The following SSH2 variants were observed in gnomAD, a reference collection of about 807,000 sequenced individuals.
SSH2 encodes slingshot protein phosphatase 2.
A neutral mutation model predicts 135.2 loss-of-function variants in SSH2; 37 were observed. The ratio of observed to expected loss-of-function variants is 0.27; its 90% CI spans 0.21 to 0.36. The LOEUF (loss-of-function observed/expected upper bound fraction) is 0.36. Ranked by LOEUF, SSH2 falls within the 10% of genes least tolerant of loss-of-function variation. The pLI is 1.00. For missense variants in SSH2, 1,408 were observed against 1,765.3 expected, an observed-to-expected ratio of 0.80 and a Z score of 3.63; for synonymous variants, 628 against 646.2, an observed-to-expected ratio of 0.97 and a Z score of 0.43.
intron 4 of SSH2, among the ~76,000 whole-genome samples, chr17:29,696,785 C>T (rs1265162893): frequency 6.7e-6 from 1 of 149,960 alleles, no homozygotes; most frequent in Non-Finnish European, 1.5e-5. Flanking sequence ...CCCAAGTTCA[C>T]ATCATTCTCC....
chr17:29,913,347 A>AATTATATATATAT lies in SSH2; in HGVS notation c.63+16590_63+16591insATATATATATAAT, dbSNP rs1555543500. On this transcript the variant is annotated intron_variant, in intron 1 of 15. Coordinates refer to ENST00000540801, the MANE Select transcript of SSH2 (RefSeq NM_001282129.2). ...AAAAAAAAAAAAAAAAAAAAAAAAA[A>AATTATATATATAT]ATATATATATATATATATATATATA... Among the ~76,000 whole-genome samples, 25 of 28,786 alleles carry AATTATATATATAT rather than the reference A, an allele frequency of 8.7e-4. 2 individuals are homozygous for AATTATATATATAT. Among genetic ancestry groups the AATTATATATATAT allele is most frequent in the Non-Finnish European group, 1.4e-3 (23 of 16,996 alleles). 18.9% of individuals were successfully genotyped at this position (28,786 alleles called of 152,430 possible). A position where few individuals can be genotyped will look rare whatever the true frequency, so the allele number is the denominator to read the frequency against.
chr17:29,911,345 G>A (rs1420671579), intron 1 of SSH2, among the ~76,000 whole-genome samples: 1 of 152,134 alleles, frequency 6.6e-6, no homozygotes. Flanking sequence ...TGTTCTTTGT[G>A]AGGGATTTAA....
intron 2 of SSH2, 77 bp downstream of exon 2, chr17:29,848,772 G>T: frequency 1.1e-6 from 1 of 913,190 alleles, no homozygotes; most frequent in Non-Finnish European, 1.7e-6. Context: ...TATATCAGTT[G>T]CATTTAATAG....
At chr17:29,906,088 T>C (rs561891372) in intron 1 of SSH2, among the ~76,000 whole-genome samples, 1 of 152,304 alleles carries the variant, frequency 6.6e-6, no homozygotes, top group South Asian at 2.1e-4. Flanking sequence ...ATAAAGCTCT[T>C]CTTCGTCTTC....
At chr17:29,929,801 G>A (rs778736605) in intron 1 of SSH2, 137 bp downstream of exon 1, 1 of 757,098 alleles carries the variant, frequency 1.3e-6, no homozygotes, top group East Asian at 2.7e-5. Context: ...TGGGGGTGTG[G>A]GGGGGTTCGC....
rs928731602 is a variant in SSH2 at position 29,815,961 on chromosome 17, G to A, written c.145-22024C>T. Among the ~76,000 whole-genome samples the A allele has an allele frequency of 3.3e-5, 5 of 152,092 alleles. No homozygotes were observed. The South Asian group carries it at 6.2e-4, about 19-fold the overall frequency. On this transcript the variant is annotated intron_variant, in intron 2 of 15. Transcript: ENST00000540801. ...CCTCCCAAGTTCAAGCAAATCTCAC[G>A]TCTCAGCCTCCTGAGTAGCTGGGAC...
At chr17:29,899,398 A>G (rs1043577550) in intron 1 of SSH2, among the ~76,000 whole-genome samples, 1 of 152,180 alleles carries the variant, frequency 6.6e-6, no homozygotes, top group African/African-American at 2.4e-5. Context: ...TCAGCCCAAA[A>G]TCTCCTTAAG....
chr17:29,770,454 C>T (rs1167479806), intron 3 of SSH2, among the ~76,000 whole-genome samples: 1 of 150,988 alleles, frequency 6.6e-6, no homozygotes. Context: ...AAGTCTCATT[C>T]TCTTTTTTTA....
intron 2 of SSH2, among the ~76,000 whole-genome samples, chr17:29,803,856 T>C (rs1352956575): frequency 6.6e-6 from 1 of 152,186 alleles, no homozygotes; most frequent in Non-Finnish European, 1.5e-5. Flanking sequence ...GGTTAATGTC[T>C]ATAAAGAAGT....
intron 3 of SSH2, among the ~76,000 whole-genome samples, chr17:29,746,903 T>G (rs1249319029): frequency 6.6e-6 from 1 of 152,218 alleles, no homozygotes; most frequent in Non-Finnish European, 1.5e-5. Context: ...ATGCTTAAAG[T>G]GTTGCTTAAG....
At chr17:29,757,043 C>T (rs539000514) in intron 3 of SSH2, among the ~76,000 whole-genome samples, 18 of 152,248 alleles carry the variant, frequency 1.2e-4, no homozygotes, top group South Asian at 4.1e-4. Context: ...TCAGCAGTGA[C>T]GAGAGAACCA....
At chr17:29,839,437 T>C (rs2043002005) in intron 2 of SSH2, among the ~76,000 whole-genome samples, 1 of 152,216 alleles carries the variant, frequency 6.6e-6, no homozygotes. Flanking sequence ...CATTACCTCC[T>C]GAAATAGGAA....
At chr17:29,674,554 C>T (rs1428656633) in intron 8 of SSH2, among the ~76,000 whole-genome samples, 2 of 152,130 alleles carry the variant, frequency 1.3e-5, no homozygotes, top group African/African-American at 4.8e-5. Flanking sequence ...AAGGAAACAC[C>T]TGGTCTAAAT....
chr17:29,833,901 TTCCTTCCCTCCCTCCCTGCC>T (rs1283097331), intron 2 of SSH2, among the ~76,000 whole-genome samples: 2 of 73,588 alleles, frequency 2.7e-5, no homozygotes, highest in African/African-American at 1.1e-4. Context: ...CCTCCCTTCC[TTCCTTCCCTCCCTCCCTGCC>T]TCCTTCCCTC....
Position 29,663,162 on chromosome 17 carries a change from C to T in SSH2, c.1032+3705G>A, listed in dbSNP as rs185510287. 1.7e-3 allele frequency among the ~76,000 whole-genome samples: 265 copies of T among 152,350 alleles called. 1 individual carries two copies. Among genetic ancestry groups the T allele is most frequent in the Non-Finnish European group, 2.1e-3 (141 of 68,036 alleles). ...ATTTAAGCTATAATCTACACTTTCCCACTCCATACCAGCTGGATACTTTCC... is the reference window on the plus strand; with the variant it reads ...ATTTAAGCTATAATCTACACTTTCCTACTCCATACCAGCTGGATACTTTCC... On this transcript the variant is annotated intron_variant, in intron 11 of 15. Transcript: ENST00000540801.
chr17:29,856,058 C>G (rs763936001), intron 1 of SSH2: 1 of 351,136 alleles, frequency 2.8e-6, no homozygotes, highest in Non-Finnish European at 5.5e-6. Context: ...TCCCCATCAA[C>G]TTAGTTATCC....
At chr17:29,719,183 G>A (rs2039731608) in intron 3 of SSH2, among the ~76,000 whole-genome samples, 1 of 152,132 alleles carries the variant, frequency 6.6e-6, no homozygotes, top group South Asian at 2.1e-4. Flanking sequence ...GCTGCCTACT[G>A]GATAGCTGTT....
At position 29,761,073 on chromosome 17, in the gene SSH2, G is replaced by A. The variant is rs1369332357; in HGVS notation, c.188+32821C>T. 7.1e-6 allele frequency: 9 copies of A among 1,264,252 alleles called. No homozygotes were observed. The East Asian group carries it at 2.9e-4, about 41-fold the overall frequency. The allele number at this position is 1,264,252 out of a possible 1,614,324, so 78.3% of individuals were successfully genotyped here. A position where few individuals can be genotyped will look rare whatever the true frequency, so the allele number is the denominator to read the frequency against. On this transcript the variant is annotated intron_variant, in intron 3 of 15. Transcript: ENST00000540801. ...CCTCGCTTGATTGTTTGCTCCCCAG[G>A]ATGCTGGGGAAAGCGGCTGCTGAAA...
At chr17:29,755,989 G>A (rs1259721920) in intron 3 of SSH2, among the ~76,000 whole-genome samples, 1 of 149,438 alleles carries the variant, frequency 6.7e-6, no homozygotes, top group Non-Finnish European at 1.5e-5. Context: ...ATAGAGGCTG[G>A]GCGCGGTGGC....
Sources: gnomAD v4.1 joint callset for allele counts (sites outside exome capture counted in the v4.1 genomes callset) on GRCh38, gnomAD v4.1.1 for gene constraint, MANE v1.5 for transcripts, NCBI Gene and HGNC (gene_info 2026-07-23, HGNC 2026-07-21) for gene names.